The following ALG6 variants were observed in gnomAD, a reference collection of about 807,000 sequenced individuals.
The protein encoded by ALG6 is ALG6 alpha-1,3-glucosyltransferase, also known as dolichyl pyrophosphate Man9GlcNAc2 alpha-1,3-glucosyltransferase.
ALG6 carries 46 observed loss-of-function variants against 66.6 expected under a neutral mutation model. The ratio of observed to expected loss-of-function variants is 0.69; its 90% confidence interval spans 0.55 to 0.88. ALG6 has a LOEUF of 0.88. Ranked by LOEUF, ALG6 falls within the 40% of genes least tolerant of loss-of-function variation. The probability of loss-of-function intolerance (pLI) is 0.00; values close to 1 mark genes in which losing one functional copy is unlikely to be tolerated. For synonymous variants in ALG6, 185 were observed against 203.7 expected, an observed-to-expected ratio of 0.91 and a Z score of 0.78; for missense variants, 505 against 586.8, an observed-to-expected ratio of 0.86 and a Z score of 1.44.
chr1:63,420,534 A>G (rs1051112826), intron 12 of ALG6, among the ~76,000 whole-genome samples: 42 of 152,098 alleles, frequency 2.8e-4, no homozygotes, highest in African/African-American at 1.0e-3. Context: ...GCTTTAATCT[A>G]TTTTTGGTAA....
chr1:63,395,080 G>T (rs1648779728), intron 2 of ALG6, among the ~76,000 whole-genome samples: 1 of 151,714 alleles, frequency 6.6e-6, no homozygotes. Flanking sequence ...TGGTCAGGCT[G>T]GTCTTGAACT....
intron 2 of ALG6, among the ~76,000 whole-genome samples, chr1:63,391,038 G>A (rs79873620): frequency 0.02 from 3,102 of 152,210 alleles, 119 homozygotes; most frequent in African/African-American, 0.07. Flanking sequence ...TCCTGCCAGG[G>A]GGACAGTTGC....
intron 4 of ALG6, 41 bp from the exon 5 acceptor site, chr1:63,404,412 G>T: frequency 1.4e-6 from 2 of 1,437,978 alleles, no homozygotes; most frequent in Non-Finnish European, 2.0e-6. Flanking sequence ...TGCTAAAAGG[G>T]ATGAGGAATG....
intron 2 of ALG6, among the ~76,000 whole-genome samples, chr1:63,390,100 C>T (rs1287598601): frequency 6.6e-6 from 1 of 152,216 alleles, no homozygotes; most frequent in African/African-American, 2.4e-5. Context: ...CCGATGTTCA[C>T]TCAAGGCCCA....
chr1:63,422,272 T>TATATATTTATATAGATATAA lies in ALG6; in HGVS notation c.1058+2838_1058+2839insTTATATAGATATAAATATAT, dbSNP rs1557595055. ...ATATATATTTATATAGATATAAATA[T>TATATATTTATATAGATATAA]ATATATAAATATATATATTTATATA... On this transcript the variant is annotated intron_variant, in intron 12 of 14. Coordinates refer to ENST00000263440, the MANE Select transcript of ALG6 (RefSeq NM_013339.4). Among the ~76,000 whole-genome samples, 8 of 71,036 alleles carry TATATATTTATATAGATATAA rather than the reference T, an allele frequency of 1.1e-4. 1 individual carries two copies. The East Asian group carries it at 2.3e-3, about 21-fold the overall frequency. 46.6% of individuals were successfully genotyped at this position (71,036 alleles called of 152,430 possible).
At chr1:63,424,096 G>A (rs1413226792) in intron 12 of ALG6, among the ~76,000 whole-genome samples, 1 of 152,056 alleles carries the variant, frequency 6.6e-6, no homozygotes, top group Non-Finnish European at 1.5e-5. Flanking sequence ...TGTGCTTGTT[G>A]GCACAATATG....
intron 12 of ALG6, among the ~76,000 whole-genome samples, chr1:63,426,316 T>C (rs1048357178): frequency 1.2e-4 from 18 of 152,116 alleles, no homozygotes; most frequent in Non-Finnish European, 2.5e-4. Context: ...CCAAGTCACT[T>C]GAAGACTGTG....
chr1:63,429,169 A>C (rs761449804), intron 14 of ALG6, 43 bp downstream of exon 14: 1 of 1,404,602 alleles, frequency 7.1e-7, no homozygotes, highest in Admixed American at 2.0e-5. Context: ...TCAGCATGTC[A>C]CTATTTTAAA....
At chr1:63,415,725 C>A in intron 10 of ALG6, 148 bp from the exon 11 acceptor site, 3 of 501,242 alleles carry the variant, frequency 6.0e-6, no homozygotes, top group Admixed American at 3.7e-5. Flanking sequence ...GTTATTTCAT[C>A]TTTAAATTTA....
In ALG6 at chr1:63,406,334, C is replaced by T. The variant is rs759068705; in HGVS notation, c.364C>T (p.Leu122=). 1 of 1,613,208 alleles carries T rather than the reference C, an allele frequency of 6.2e-7. No individual in the cohort carries two copies. Among genetic ancestry groups the T allele is most frequent in the South Asian group, 1.1e-5 (1 of 91,058 alleles). ...GTTTTCAGTTTTAATTGCTGATCTGCTGATTTACATACCTGCAGTGGTTTT... is the reference window on the plus strand; with the variant it reads ...GTTTTCAGTTTTAATTGCTGATCTGTTGATTTACATACCTGCAGTGGTTTT... ...MRTTVLIADL[L]IYIPAVVLYC... Residue 122 remains leucine (L), a synonymous_variant, in exon 6 of 15, where the codon CTG becomes TTG. Transcript: ENST00000263440.
At chr1:63,393,454 A>G (rs1326133395) in intron 2 of ALG6, among the ~76,000 whole-genome samples, 1 of 152,250 alleles carries the variant, frequency 6.6e-6, no homozygotes, top group Non-Finnish European at 1.5e-5. Context: ...TAGTATAGTC[A>G]TATGATAAAA....
intron 11 of ALG6, among the ~76,000 whole-genome samples, chr1:63,416,275 A>G (rs1644545704): frequency 6.6e-6 from 1 of 152,184 alleles, no homozygotes; most frequent in Non-Finnish European, 1.5e-5. Flanking sequence ...TCTATCAGGT[A>G]CAAATGAAGT....
At chr1:63,434,538 A>G (rs1353251677) in intron 14 of ALG6, among the ~76,000 whole-genome samples, 2 of 152,232 alleles carry the variant, frequency 1.3e-5, no homozygotes, top group Admixed American at 6.5e-5. Context: ...AGCTTGTCCA[A>G]TCTGCAACTG....
chr1:63,423,893 A>G (rs1375239444), intron 12 of ALG6, among the ~76,000 whole-genome samples: 3 of 152,174 alleles, frequency 2.0e-5, no homozygotes, highest in Admixed American at 1.3e-4. Context: ...GAACCACCAG[A>G]CTTTTCCATA....
chr1:63,426,643 A>C lies in ALG6; in HGVS notation c.1059-2090A>C, dbSNP rs191588433. Among the ~76,000 whole-genome samples the C allele has an allele frequency of 1.5e-3, 221 of 152,232 alleles. 2 individuals carry two copies. The highest frequency in any genetic ancestry group is 5.1e-3 in the African/African-American group (211 of 41,544). On this transcript the variant is annotated intron_variant, in intron 12 of 14. Transcript: ENST00000263440. The stretch of plus-strand genomic sequence containing the variant: ...ACTGCAGCCTCGGACTCCTGGGCTC[A>C]AGTGAGCCTCCCACTTCAGCCTCCC...
chr1:63,367,670 C>T lies in ALG6; in HGVS notation c.-225C>T. The T allele has an allele frequency of 6.6e-6, 1 of 152,424 alleles. No homozygotes were observed. The highest frequency in any genetic ancestry group is 1.5e-5 in the Non-Finnish European group (1 of 68,094). The allele number at this position is 152,424 out of a possible 1,614,324, so 9.4% of individuals were successfully genotyped here. A position where few individuals can be genotyped will look rare whatever the true frequency, so the allele number is the denominator to read the frequency against. On this transcript the variant is annotated 5_prime_UTR_variant, in exon 1 of 15. Coordinates refer to ENST00000263440, the MANE Select transcript of ALG6 (RefSeq NM_013339.4). ...GACCCACGGCAGGCGCGAATCCCAGCGGCCGGCGGGCGGCGGGGTAAGAGC... is the reference window on the plus strand; with the variant it reads ...GACCCACGGCAGGCGCGAATCCCAGTGGCCGGCGGGCGGCGGGGTAAGAGC...
At chr1:63,416,328 A>G (rs1644545991) in intron 11 of ALG6, among the ~76,000 whole-genome samples, 1 of 151,486 alleles carries the variant, frequency 6.6e-6, no homozygotes, top group Admixed American at 6.6e-5. Flanking sequence ...TCGGGGGGAG[A>G]TTTTAGAATG....
At chr1:63,423,523 C>T (rs370599564) in intron 12 of ALG6, among the ~76,000 whole-genome samples, 6 of 152,224 alleles carry the variant, frequency 3.9e-5, no homozygotes, top group East Asian at 1.9e-4. Context: ...TTCCCTTCCC[C>T]GAGTCCCTCT....
At chr1:63,399,800 T>G (rs913315111) in intron 3 of ALG6, among the ~76,000 whole-genome samples, 1 of 152,172 alleles carries the variant, frequency 6.6e-6, no homozygotes. Context: ...GGCAGCCATT[T>G]TTTTTTTACT....
Sources: allele counts gnomAD v4.1 joint callset (sites outside exome capture counted in the v4.1 genomes callset), GRCh38; gene constraint gnomAD v4.1.1; transcripts MANE v1.5; gene names NCBI Gene and HGNC (gene_info 2026-07-23, HGNC 2026-07-21).